Variants in TULP4 observed in about 807,000 individuals in gnomAD.
TULP4 encodes the protein TUB like protein 4.
Under a neutral mutation model 129.0 loss-of-function variants are expected in TULP4, and 16 were observed. The ratio of observed to expected loss-of-function variants is 0.12; its 90% CI spans 0.08 to 0.19. The LOEUF (loss-of-function observed/expected upper bound fraction) is 0.19, where lower values mean the gene tolerates loss of function less well. Ranked by LOEUF, TULP4 falls within the 10% of genes least tolerant of loss-of-function variation. The pLI is 1.00. For missense variants in TULP4, 1,842 were observed against 2,059.1 expected, an observed-to-expected ratio of 0.89 and a Z score of 2.04; for synonymous variants, 998 against 854.0, an observed-to-expected ratio of 1.17 and a Z score of -2.94.
intron 1 of TULP4, among the ~76,000 whole-genome samples, chr6:158,299,523 C>G (rs779128616): frequency 2.0e-5 from 3 of 152,070 alleles, no homozygotes; most frequent in Non-Finnish European, 4.4e-5. Context: ...ACCAAATGTC[C>G]CCATTCCCTT....
At position 158,503,698 on chromosome 6, in the gene TULP4, A is replaced by G; in HGVS notation, c.4035A>G (p.Ala1345=). 1 of 1,614,030 alleles carries G rather than the reference A, an allele frequency of 6.2e-7. No homozygotes were observed. The highest frequency in any genetic ancestry group is 8.5e-7 in the Non-Finnish European group (1 of 1,180,028). Residue 1345 remains alanine, a synonymous_variant, in exon 13 of 14, where the codon GCA becomes GCG. Coordinates refer to ENST00000367097, the MANE Select transcript of TULP4 (RefSeq NM_020245.5). The surrounding 1 kb of genome is among the most constrained non-coding windows in gnomAD (Gnocchi z 4.3). The part of the protein sequence containing the change: ...KKNRKRLDSR[A]EEGSVQAITE... The stretch of plus-strand genomic sequence containing the variant: ...ACCGGAAGCGCCTGGACAGCCGAGC[A>G]GAAGAAGGCAGCGTTCAGGCCATCA...
chr6:158,246,988 T>C (rs1304520619), intron 1 of TULP4, among the ~76,000 whole-genome samples: 1 of 152,208 alleles, frequency 6.6e-6, no homozygotes, highest in African/African-American at 2.4e-5. Context: ...TTATTATTTT[T>C]AATCAGAAAC....
At position 158,347,175 on chromosome 6, in the gene TULP4, A is replaced by G. The variant is rs967238200; in HGVS notation, c.252+32907A>G. 2.6e-5 allele frequency among the ~76,000 whole-genome samples: 4 copies of G among 152,238 alleles called. No individual in the cohort carries two copies. The South Asian group carries it at 6.2e-4, about 24-fold the overall frequency. Reference sequence around the variant, plus strand: ...TTCCAGAGTGTCTTCTGAATTATTAATGAAAGATTATCTTAAGCATAGTTT... The same window carrying G: ...TTCCAGAGTGTCTTCTGAATTATTAGTGAAAGATTATCTTAAGCATAGTTT... On this transcript the variant is annotated intron_variant, in intron 1 of 13. Transcript: ENST00000367097.
chr6:158,357,719 G>T (rs900861687), intron 1 of TULP4, among the ~76,000 whole-genome samples: 3 of 152,234 alleles, frequency 2.0e-5, no homozygotes, highest in African/African-American at 7.2e-5. Flanking sequence ...CCCTACACCA[G>T]TGCTGGCCCA....
chr6:158,504,619 G>A (rs1194830027), intron 13 of TULP4, among the ~76,000 whole-genome samples: 1 of 151,144 alleles, frequency 6.6e-6, no homozygotes, highest in Non-Finnish European at 1.5e-5. Context: ...GCCTCTCAAA[G>A]TGCAGGGATT....
chr6:158,429,950 G>A, intron 3 of TULP4, 53 bp downstream of exon 3: 1 of 1,551,554 alleles, frequency 6.4e-7, no homozygotes, highest in Non-Finnish European at 8.7e-7. Flanking sequence ...TGAGGGCTGG[G>A]AGGGAAGAAA....
At chr6:158,455,580 T>A (rs1429600291) in intron 5 of TULP4, among the ~76,000 whole-genome samples, 2 of 151,566 alleles carry the variant, frequency 1.3e-5, no homozygotes, top group African/African-American at 4.8e-5. Flanking sequence ...CTACTGAAAG[T>A]ACAAAAATTA....
At chr6:158,288,630 A>G (rs1778871073) in intron 1 of TULP4, among the ~76,000 whole-genome samples, 1 of 152,010 alleles carries the variant, frequency 6.6e-6, no homozygotes, top group South Asian at 2.1e-4. Flanking sequence ...ACTCCGGAGT[A>G]GCTGGGACTA....
chr6:158,469,349 C>G (rs372077199), intron 6 of TULP4, among the ~76,000 whole-genome samples: 10 of 151,810 alleles, frequency 6.6e-5, no homozygotes, highest in African/African-American at 2.4e-4. Flanking sequence ...TCTTAGCTCA[C>G]TGCAACCTCC....
intron 3 of TULP4, among the ~76,000 whole-genome samples, chr6:158,432,184 A>G (rs1482358103): frequency 2.0e-5 from 3 of 151,652 alleles, no homozygotes; most frequent in Non-Finnish European, 1.5e-5. Context: ...CACAGAGAAC[A>G]TGTGTATCAG....
At chr6:158,318,578 TC>T (rs1779545314) in intron 1 of TULP4, among the ~76,000 whole-genome samples, 1 of 152,222 alleles carries the variant, frequency 6.6e-6, no homozygotes, top group Non-Finnish European at 1.5e-5. Context: ...CTGCCTAAAT[TC>T]ATGCAGCTTG....
At chr6:158,300,782 G>A (rs1206522392) in intron 1 of TULP4, among the ~76,000 whole-genome samples, 2 of 152,208 alleles carry the variant, frequency 1.3e-5, no homozygotes, top group African/African-American at 2.4e-5. Context: ...AAATCATTAG[G>A]AGTTAGGTCT....
At chr6:158,461,877 T>C (rs1479214302) in intron 6 of TULP4, 148 bp downstream of exon 6, 1 of 953,884 alleles carries the variant, frequency 1.0e-6, no homozygotes, top group Non-Finnish European at 1.5e-6. Flanking sequence ...AAAGCAGTTT[T>C]TGCCTTTTAA....
chr6:158,345,766 A>C (rs1291745507), intron 1 of TULP4, among the ~76,000 whole-genome samples: 4 of 152,206 alleles, frequency 2.6e-5, no homozygotes, highest in Non-Finnish European at 5.9e-5. Flanking sequence ...AACAGAAAGC[A>C]GGGTTCAAGA....
chr6:158,337,122 CTT>C (rs1562525426), intron 1 of TULP4, among the ~76,000 whole-genome samples: 4 of 71,182 alleles, frequency 5.6e-5, no homozygotes, highest in Admixed American at 2.0e-4. Flanking sequence ...CTCTCTCTTT[CTT>C]TCTCTTTTTT....
At chr6:158,300,104 A>G (rs866530822) in intron 1 of TULP4, among the ~76,000 whole-genome samples, 1 of 152,184 alleles carries the variant, frequency 6.6e-6, no homozygotes, top group Non-Finnish European at 1.5e-5. Flanking sequence ...CTCACCAGGT[A>G]TGAAGGTGGT....
chr6:158,240,240 G>A (rs1262970373), intron 1 of TULP4, among the ~76,000 whole-genome samples: 5 of 73,752 alleles, frequency 6.8e-5, no homozygotes, highest in Non-Finnish European at 8.7e-5. Context: ...CCTCCCTCCC[G>A]GACGGGGCGG....
At chr6:158,479,026 C>G (rs558428232) in intron 6 of TULP4, among the ~76,000 whole-genome samples, 1 of 152,112 alleles carries the variant, frequency 6.6e-6, no homozygotes, top group Non-Finnish European at 1.5e-5. Flanking sequence ...GGCTGTGACT[C>G]CATCACCTCC....
intron 1 of TULP4, among the ~76,000 whole-genome samples, chr6:158,255,190 G>T (rs1191447401): frequency 1.3e-5 from 2 of 152,188 alleles, no homozygotes; most frequent in Non-Finnish European, 2.9e-5. Context: ...CCCCCTGCAG[G>T]TGTTGCTGGA....
Sources: gnomAD v4.1 joint callset for allele counts (sites outside exome capture counted in the v4.1 genomes callset) on GRCh38, gnomAD v4.1.1 for gene constraint, Gnocchi (gnomAD v3.1) non-coding constraint, MANE v1.5 for transcripts, NCBI Gene and HGNC (gene_info 2026-07-23, HGNC 2026-07-21) for gene names.